The following DOCK8 variants were observed in gnomAD, a reference collection of about 807,000 sequenced individuals.
DOCK8 encodes the protein dedicator of cytokinesis protein 8.
In DOCK8, 141 loss-of-function variants were observed where a neutral mutation model predicts 245.6. The ratio of observed to expected loss-of-function variants is 0.57; its 90% confidence interval spans 0.50 to 0.66. DOCK8 has a LOEUF of 0.66. Ranked by LOEUF, DOCK8 falls within the 30% of genes least tolerant of loss-of-function variation. DOCK8 has a pLI of 0.00. For synonymous variants in DOCK8, 1,168 were observed against 970.2 expected (o/e 1.20, Z -3.79); for missense variants, 2,965 against 2,603.4 (o/e 1.14, Z -3.02).
chr9:443,315 A>G, intron 42 of DOCK8, 112 bp from the exon 43 acceptor site: 1 of 1,007,224 alleles, frequency 9.9e-7, no homozygotes, highest in Non-Finnish European at 1.6e-6. Context: ...CTCAATAATC[A>G]GTGAACATCA....
At position 400,249 on chromosome 9, in the gene DOCK8, A is replaced by T. The variant is rs1356881703; in HGVS notation, c.3234+990A>T. 1.9e-3 allele frequency among the ~76,000 whole-genome samples: 166 copies of T among 88,384 alleles called. 8 individuals are homozygous for T. The highest frequency in any genetic ancestry group is 7.3e-3 in the African/African-American group (129 of 17,726). The allele number at this position is 88,384 out of a possible 152,430, so 58.0% of individuals were successfully genotyped here. ...CACCTCCACCATCACCACCACCTCC[A>T]CCATCACCACCACCTCCACCATCAC... On this transcript the variant is annotated intron_variant, in intron 26 of 47. Transcript: ENST00000432829.
intron 2 of DOCK8, among the ~76,000 whole-genome samples, chr9:285,738 C>G (rs1401509496): frequency 6.6e-6 from 1 of 152,110 alleles, no homozygotes; most frequent in Admixed American, 6.5e-5. Flanking sequence ...CTCTTTCCAA[C>G]TGTGGAAGGT....
At chr9:261,931 T>G (rs1162163333) in intron 1 of DOCK8, among the ~76,000 whole-genome samples, 5 of 152,102 alleles carry the variant, frequency 3.3e-5, no homozygotes, top group African/African-American at 1.2e-4. Context: ...GTTTCATAAC[T>G]TTTTAAATTC....
chr9:362,392 A>G (rs2052772513), intron 14 of DOCK8, among the ~76,000 whole-genome samples: 1 of 152,144 alleles, frequency 6.6e-6, no homozygotes, highest in Non-Finnish European at 1.5e-5. Flanking sequence ...GTAATGATTG[A>G]CTCACCATGA....
intron 20 of DOCK8, among the ~76,000 whole-genome samples, 192 bp from the exon 21 acceptor site, chr9:379,579 A>G (rs1195300288): frequency 1.3e-5 from 2 of 152,146 alleles, no homozygotes; most frequent in African/African-American, 2.4e-5. Context: ...AGGAAGTTCA[A>G]AAGAGGGAAT....
At chr9:401,268 A>G (rs1351981619) in intron 26 of DOCK8, among the ~76,000 whole-genome samples, 1 of 152,232 alleles carries the variant, frequency 6.6e-6, no homozygotes, top group South Asian at 2.1e-4. Context: ...AAGCAGTGAC[A>G]TACAAGCTTC....
intron 4 of DOCK8, among the ~76,000 whole-genome samples, chr9:302,991 AAAAG>A (rs1293915431): frequency 6.6e-6 from 1 of 151,844 alleles, no homozygotes. Flanking sequence ...TGGAAAAAAA[AAAAG>A]AAAAAGAAAA....
intron 1 of DOCK8, among the ~76,000 whole-genome samples, chr9:254,490 C>G (rs570496907): frequency 1.3e-5 from 2 of 152,298 alleles, no homozygotes; most frequent in East Asian, 1.9e-4. Flanking sequence ...GAAAATCCTT[C>G]TCTTCCTTCT....
chr9:270,064 C>T (rs1321151349), intron 1 of DOCK8, among the ~76,000 whole-genome samples: 1 of 152,180 alleles, frequency 6.6e-6, no homozygotes, highest in Non-Finnish European at 1.5e-5. Flanking sequence ...TTGTTATAGC[C>T]AGCCTAGTGG....
upstream of DOCK8, chr9:213,871 G>A (rs1414909345): frequency 1.3e-5 from 2 of 152,258 alleles, no homozygotes; most frequent in Admixed American, 6.5e-5. Context: ...TGGGACTAAG[G>A]CGTGCGCCAC....
intron 1 of DOCK8, among the ~76,000 whole-genome samples, chr9:224,271 CT>C (rs1436186970): frequency 6.6e-6 from 1 of 152,136 alleles, no homozygotes; most frequent in Admixed American, 6.6e-5. Flanking sequence ...AAAGATTTTT[CT>C]CCCCCGATGA....
In DOCK8 at chr9:434,940, C is replaced by T. The variant is rs1587034301; in HGVS notation, c.5044C>T (p.His1682Tyr). 6.2e-7 allele frequency: 1 copy of T among 1,613,356 alleles called. No individual in the cohort carries two copies. The highest frequency in any genetic ancestry group is 1.8e-4 in the Middle Eastern group (1 of 5,436). Reference protein sequence around the residue: ...VAEYLSMLEDHSYLPVGSVSF... With the variant: ...VAEYLSMLEDYSYLPVGSVSF... ...TGAGTATCTGAGCATGCTGGAGGACCACAGCTACCTGCCCGTGGGCAGTGT... is the reference window on the plus strand; with the variant it reads ...TGAGTATCTGAGCATGCTGGAGGACTACAGCTACCTGCCCGTGGGCAGTGT... Residue 1682 changes from histidine (H) to tyrosine (Y), a missense_variant, in exon 39 of 48, where the codon CAC becomes TAC. This residue lies in a region of DOCK8 where 2,825 missense variants were observed against 2,453.5 expected (regional missense o/e 1.15). Coordinates refer to ENST00000432829, the MANE Select transcript of DOCK8 (RefSeq NM_203447.4).
chr9:405,908 C>T (rs1196043851), intron 27 of DOCK8, among the ~76,000 whole-genome samples: 1 of 152,222 alleles, frequency 6.6e-6, no homozygotes, highest in Non-Finnish European at 1.5e-5. Flanking sequence ...CTCCATCCTG[C>T]CCAGCAGCTT....
At chr9:286,323 A>C in intron 2 of DOCK8, 138 bp from the exon 3 acceptor site, 2 of 950,364 alleles carry the variant, frequency 2.1e-6, no homozygotes, top group Admixed American at 5.1e-5. Flanking sequence ...CAGCTCCTCC[A>C]AAGAGTCGCT....
In DOCK8 at chr9:464,143, C is replaced by G. The variant is rs745534305; in HGVS notation, c.6240-16C>G. 3.0e-5 allele frequency: 49 copies of G among 1,608,430 alleles called. No homozygotes were observed. The highest frequency in any genetic ancestry group is 4.1e-5 in the Non-Finnish European group (48 of 1,174,894). ...CGCTCTCTTTCCCTCTCCTCCCTCT[C>G]TTTTCTTAATTTCAGGGACTCCTTC... On this transcript the variant is annotated splice_polypyrimidine_tract_variant and intron_variant, in intron 47 of 47. Transcript: ENST00000432829.
intron 1 of DOCK8, among the ~76,000 whole-genome samples, chr9:224,103 A>C (rs1334220003): frequency 6.6e-6 from 1 of 152,202 alleles, no homozygotes; most frequent in African/African-American, 2.4e-5. Flanking sequence ...GTGAGTTCAG[A>C]AAGACAGCTT....
At chr9:400,952 A>ACCTCCACCACCT (rs1412533059) in intron 26 of DOCK8, among the ~76,000 whole-genome samples, 2 of 67,440 alleles carry the variant, frequency 3.0e-5, no homozygotes, top group Admixed American at 2.9e-4. Flanking sequence ...CACCATCACC[A>ACCTCCACCACCT]CCACCACCAC....
At chr9:247,693 C>G (rs7020344) in intron 1 of DOCK8, among the ~76,000 whole-genome samples, 13,445 of 152,016 alleles carry the variant, frequency 0.088, 802 homozygotes, top group African/African-American at 0.17. Flanking sequence ...ACCACCACGC[C>G]CGGCTAATTT....
intron 4 of DOCK8, among the ~76,000 whole-genome samples, chr9:303,880 C>A (rs1259462683): frequency 1.1e-4 from 17 of 152,166 alleles, no homozygotes; most frequent in Non-Finnish European, 2.4e-4. Flanking sequence ...GACTTTGTAA[C>A]ATGTTTTCCA....
Sources: allele counts gnomAD v4.1 joint callset (sites outside exome capture counted in the v4.1 genomes callset), GRCh38; gene constraint gnomAD v4.1.1; regional missense constraint gnomAD v4.1.1; transcripts MANE v1.5; gene names NCBI Gene and HGNC (gene_info 2026-07-23, HGNC 2026-07-21).